Variants in SORCS2 observed in about 807,000 individuals in gnomAD.
The protein encoded by SORCS2 is VPS10 domain-containing receptor SorCS2.
SORCS2 carries 100 observed loss-of-function variants against 141.6 expected under a neutral mutation model. The ratio of observed to expected loss-of-function variants is 0.71; its 90% CI spans 0.60 to 0.83. The LOEUF is 0.83. Ranked by LOEUF, SORCS2 falls within the 40% of genes least tolerant of loss-of-function variation. The pLI is 0.00. For missense variants in SORCS2, 1,646 were observed against 1,560.2 expected (o/e 1.05, Z -0.93); for synonymous variants, 789 against 676.9 (o/e 1.17, Z -2.57).
intron 2 of SORCS2, among the ~76,000 whole-genome samples, chr4:7,427,828 C>T (rs1726557133): frequency 2.0e-5 from 3 of 150,074 alleles, no homozygotes; most frequent in East Asian, 3.9e-4. Flanking sequence ...CCCTCCCCAA[C>T]GATCCCACAC....
At position 7,613,017 on chromosome 4, in the gene SORCS2, C is replaced by T. The variant is rs545524236; in HGVS notation, c.649-25311C>T. Among the ~76,000 whole-genome samples, 61 of 152,372 alleles carry T rather than the reference C, an allele frequency of 4.0e-4. 1 individual carries two copies. In the South Asian group the frequency reaches 0.013, roughly 32 times the overall value. Reference sequence around the variant, plus strand: ...TCTCCCCAACTGACTGCAAGCCCCTCTCTCTCCACCTCTTTCTGCGGGGAG... The same window carrying T: ...TCTCCCCAACTGACTGCAAGCCCCTTTCTCTCCACCTCTTTCTGCGGGGAG... On this transcript the variant is annotated intron_variant, in intron 3 of 26. Coordinates refer to ENST00000507866, the MANE Select transcript of SORCS2 (RefSeq NM_020777.3).
chr4:7,724,258 G>C (rs1336952454), intron 19 of SORCS2, among the ~76,000 whole-genome samples: 2 of 148,652 alleles, frequency 1.3e-5, no homozygotes, highest in African/African-American at 2.6e-5. Context: ...CGTTGGTGTT[G>C]GTGATGGTGA....
intron 2 of SORCS2, among the ~76,000 whole-genome samples, chr4:7,481,962 C>G (rs1196350610): frequency 7.5e-6 from 1 of 133,860 alleles, no homozygotes; most frequent in Non-Finnish European, 1.7e-5. Flanking sequence ...GCGGACACCC[C>G]TGACGCTGTT....
intron 1 of SORCS2, among the ~76,000 whole-genome samples, chr4:7,340,412 C>T (rs988606323): frequency 2.0e-5 from 3 of 152,210 alleles, no homozygotes; most frequent in African/African-American, 7.2e-5. Context: ...GTCACCATAG[C>T]AGGGCAGAGC....
chr4:7,370,423 C>T (rs1295318014), intron 1 of SORCS2, among the ~76,000 whole-genome samples: 3 of 152,230 alleles, frequency 2.0e-5, no homozygotes, highest in Non-Finnish European at 4.4e-5. Flanking sequence ...ATTCAGAGGA[C>T]AGCCTGGTCC....
intron 19 of SORCS2, among the ~76,000 whole-genome samples, chr4:7,724,582 GTGGTGGTGT>G (rs1726962227): frequency 9.1e-6 from 1 of 110,364 alleles, no homozygotes; most frequent in African/African-American, 3.9e-5. Context: ...GATGGTGATG[GTGGTGGTGT>G]TGGTGATGGT....
intron 1 of SORCS2, among the ~76,000 whole-genome samples, chr4:7,306,558 A>G (rs919714085): frequency 1.3e-5 from 2 of 152,164 alleles, no homozygotes; most frequent in African/African-American, 2.4e-5. Flanking sequence ...ACTGTTGTCT[A>G]AGCGACACTC....
At chr4:7,457,778 TG>T (rs1263805774) in intron 2 of SORCS2, among the ~76,000 whole-genome samples, 1 of 152,250 alleles carries the variant, frequency 6.6e-6, no homozygotes, top group Non-Finnish European at 1.5e-5. Context: ...TGTCTCTGCC[TG>T]AGCTGCTCTG....
chr4:7,332,721 C>T (rs1375879470), intron 1 of SORCS2, among the ~76,000 whole-genome samples: 2 of 152,192 alleles, frequency 1.3e-5, no homozygotes, highest in African/African-American at 2.4e-5. Context: ...CAAACAAACC[C>T]GAGTGAGCAC....
chr4:7,537,884 G>A (rs1391634161), intron 3 of SORCS2, among the ~76,000 whole-genome samples: 1 of 152,102 alleles, frequency 6.6e-6, no homozygotes, highest in Admixed American at 6.5e-5. Context: ...TACTCAGGAG[G>A]CTGAGGTGGG....
chr4:7,344,526 G>T lies in SORCS2; in HGVS notation c.481-51762G>T, dbSNP rs551019809. 1.5e-3 allele frequency among the ~76,000 whole-genome samples: 230 copies of T among 152,364 alleles called. 1 individual carries two copies. Among genetic ancestry groups the T allele is most frequent in the African/African-American group, 5.1e-3 (213 of 41,590 alleles). On this transcript the variant is annotated intron_variant, in intron 1 of 26. Coordinates refer to ENST00000507866, the MANE Select transcript of SORCS2 (RefSeq NM_020777.3). ...AACAGCCCTAGTGAGACCCACTGGAGGGCAATGTGCCCCCATCAGGGGCTG... is the reference window on the plus strand; with the variant it reads ...AACAGCCCTAGTGAGACCCACTGGATGGCAATGTGCCCCCATCAGGGGCTG...
At chr4:7,735,102 A>C (rs112686899) in intron 25 of SORCS2, among the ~76,000 whole-genome samples, 5 of 152,316 alleles carry the variant, frequency 3.3e-5, no homozygotes, top group African/African-American at 1.2e-4. Context: ...GGAATGAGCA[A>C]AGTGACCCGG....
intron 2 of SORCS2, among the ~76,000 whole-genome samples, chr4:7,471,070 T>C (rs1211019620): frequency 6.6e-6 from 1 of 152,110 alleles, no homozygotes; most frequent in Admixed American, 6.5e-5. Context: ...AGGAGATTTC[T>C]AGGTGGAGGG....
rs1727369515 is a variant in SORCS2, at chr4:7,728,415, G to A, written c.2935G>A (p.Glu979Lys). The stretch of plus-strand genomic sequence containing the variant: ...GGATGCCTACAACCCCAACACCCCT[G>A]AGTGGAGGGAAGACGTGGGCCTGGT... ...ELDAYNPNTP[E>K]WREDVGLVVT... Residue 979 changes from glutamate to lysine, a missense_variant, in exon 22 of 27, where the codon GAG becomes AAG. Glu to Lys is a moderately conservative substitution (Grantham distance 56, BLOSUM62 1). Coordinates refer to ENST00000507866, the MANE Select transcript of SORCS2 (RefSeq NM_020777.3). 1 of 1,613,750 alleles carries A rather than the reference G, an allele frequency of 6.2e-7. No homozygotes were observed.
chr4:7,373,478 A>ATATATTTTTTTT (rs1470691140), intron 1 of SORCS2, among the ~76,000 whole-genome samples: 1 of 36,824 alleles, frequency 2.7e-5, no homozygotes, highest in East Asian at 2.2e-3. Context: ...ATATATATAT[A>ATATATTTTTTTT]TTTTTTTTTT....
chr4:7,613,118 C>G (rs1463628651), intron 3 of SORCS2, among the ~76,000 whole-genome samples: 1 of 152,250 alleles, frequency 6.6e-6, no homozygotes, highest in Non-Finnish European at 1.5e-5. Flanking sequence ...CATCTCTCCT[C>G]TGAAGGAGGT....
chr4:7,681,922 CAGG>C (rs1164321926), intron 9 of SORCS2, among the ~76,000 whole-genome samples: 2 of 152,220 alleles, frequency 1.3e-5, no homozygotes. Flanking sequence ...GCCTGGCACA[CAGG>C]AGGCCTTGAT....
At chr4:7,733,224 C>T (rs1257783308) in intron 23 of SORCS2, 98 bp from the exon 24 acceptor site, 1 of 689,040 alleles carries the variant, frequency 1.5e-6, no homozygotes, top group African/African-American at 2.0e-5. Flanking sequence ...CACGTGGAGA[C>T]CCCTCACTCC....
intron 3 of SORCS2, among the ~76,000 whole-genome samples, chr4:7,608,387 C>T (rs569665536): frequency 1.3e-5 from 2 of 152,344 alleles, no homozygotes; most frequent in East Asian, 1.9e-4. Context: ...TGCTCATTAC[C>T]GTGCCCTGGC....
Sources: allele counts gnomAD v4.1 joint callset (sites outside exome capture counted in the v4.1 genomes callset), GRCh38; gene constraint gnomAD v4.1.1; transcripts MANE v1.5; gene names NCBI Gene and HGNC (gene_info 2026-07-23, HGNC 2026-07-21).